The following EYS variants were observed in gnomAD, a reference collection of about 807,000 sequenced individuals.
EYS encodes EGF-like photoreceptor maintenance factor.
A neutral mutation model predicts 282.1 loss-of-function variants in EYS; 250 were observed. The observed-to-expected ratio is 0.89, with a 90% CI of 0.80 to 0.98. EYS has a LOEUF of 0.98. Among genes scored for constraint, EYS ranks in the 50% least tolerant of loss-of-function variants. The pLI is 0.00. For missense variants in EYS, 4,016 were observed against 3,709.0 expected, an observed-to-expected ratio of 1.08 and a Z score of -2.15; for synonymous variants, 1,355 against 1,282.9, an observed-to-expected ratio of 1.06 and a Z score of -1.20.
chr6:64,451,492 C>T (rs1311399447), intron 26 of EYS, among the ~76,000 whole-genome samples: 1 of 152,124 alleles, frequency 6.6e-6, no homozygotes, highest in African/African-American at 2.4e-5. Context: ...AGAGGGAATC[C>T]TCCCTAACTC....
chr6:65,115,929 A>G (rs1293700177), intron 12 of EYS, among the ~76,000 whole-genome samples: 1 of 150,240 alleles, frequency 6.7e-6, no homozygotes, highest in African/African-American at 2.5e-5. Flanking sequence ...ACTTCTCTCA[A>G]TGAAATAACT....
intron 26 of EYS, among the ~76,000 whole-genome samples, chr6:64,488,901 G>A (rs2150504565): frequency 6.6e-6 from 1 of 150,996 alleles, no homozygotes; most frequent in Admixed American, 6.6e-5. Flanking sequence ...TACTCGTAAA[G>A]TGATTTGTAT....
chr6:65,428,784 C>T (rs1188735478), intron 5 of EYS, among the ~76,000 whole-genome samples: 1 of 152,062 alleles, frequency 6.6e-6, no homozygotes, highest in Non-Finnish European at 1.5e-5. Context: ...GATCAAATTG[C>T]AGTAAAACTA....
At chr6:65,015,968 C>A (rs983559931) in intron 13 of EYS, among the ~76,000 whole-genome samples, 2 of 150,038 alleles carry the variant, frequency 1.3e-5, no homozygotes, top group African/African-American at 4.9e-5. Context: ...TTTCTTGAAC[C>A]CAGGAGGCAG....
At chr6:64,819,080 C>T (rs1013423684) in intron 21 of EYS, among the ~76,000 whole-genome samples, 3 of 152,094 alleles carry the variant, frequency 2.0e-5, no homozygotes, top group African/African-American at 7.2e-5. Flanking sequence ...ATTTTTCTTG[C>T]CTCTTTAGCC....
chr6:65,191,461 CTTT>C (rs926122271), intron 12 of EYS, among the ~76,000 whole-genome samples: 2 of 151,730 alleles, frequency 1.3e-5, no homozygotes, highest in African/African-American at 4.8e-5. Flanking sequence ...CTTTGATTGT[CTTT>C]TTTCCCAAAG....
chr6:64,908,053 G>A (rs1241092374), intron 16 of EYS, among the ~76,000 whole-genome samples: 1 of 152,140 alleles, frequency 6.6e-6, no homozygotes, highest in Non-Finnish European at 1.5e-5. Context: ...AAATGAGAAA[G>A]CAGTGCTATG....
chr6:64,204,723 A>G (rs965455156), intron 31 of EYS, among the ~76,000 whole-genome samples: 2 of 152,174 alleles, frequency 1.3e-5, no homozygotes, highest in Non-Finnish European at 2.9e-5. Flanking sequence ...AACAAGCACA[A>G]GAAAAGTTTC....
At chr6:64,387,019 G>T (rs988724633) in intron 29 of EYS, among the ~76,000 whole-genome samples, 6 of 151,974 alleles carry the variant, frequency 3.9e-5, no homozygotes, top group African/African-American at 1.2e-4. Context: ...ATACCATTTT[G>T]CATTTTACAT....
intron 29 of EYS, among the ~76,000 whole-genome samples, chr6:64,342,821 C>A (rs1269874093): frequency 2.0e-5 from 3 of 152,056 alleles, no homozygotes; most frequent in Non-Finnish European, 4.4e-5. Context: ...ATCTCACGTG[C>A]AGAGACACAC....
chr6:65,378,589 G>A (rs1447503046), intron 8 of EYS, among the ~76,000 whole-genome samples: 2 of 152,126 alleles, frequency 1.3e-5, no homozygotes. Context: ...GCACACAAAA[G>A]TTTATTGTGG....
intron 12 of EYS, among the ~76,000 whole-genome samples, chr6:65,134,094 T>A (rs1775956134): frequency 6.6e-6 from 1 of 152,028 alleles, no homozygotes; most frequent in Non-Finnish European, 1.5e-5. Flanking sequence ...ATGGCTATTA[T>A]GAAAAAGTCA....
intron 12 of EYS, among the ~76,000 whole-genome samples, chr6:65,115,973 CT>C (rs753034436): frequency 0.023 from 2,191 of 97,342 alleles, 30 homozygotes; most frequent in African/African-American, 0.048. Context: ...TCTAATCTAT[CT>C]ATCTATCTAT....
At chr6:63,913,630 G>T (rs559493372) in intron 35 of EYS, among the ~76,000 whole-genome samples, 12 of 152,266 alleles carry the variant, frequency 7.9e-5, no homozygotes, top group South Asian at 2.1e-4. Flanking sequence ...ATTTTTAAAG[G>T]TTCATTCATG....
chr6:65,235,704 A>T (rs1766904769), intron 12 of EYS, among the ~76,000 whole-genome samples: 1 of 152,182 alleles, frequency 6.6e-6, no homozygotes, highest in African/African-American at 2.4e-5. Context: ...TACATTCTAG[A>T]TTATTTAGCA....
intron 39 of EYS, among the ~76,000 whole-genome samples, chr6:63,778,743 G>A (rs557281515): frequency 1.3e-4 from 20 of 152,196 alleles, no homozygotes; most frequent in African/African-American, 4.8e-4. Context: ...AGATATAGAT[G>A]CTTTGAAGTA....
intron 12 of EYS, among the ~76,000 whole-genome samples, chr6:65,239,916 G>A (rs572093172): frequency 2.0e-5 from 3 of 151,560 alleles, no homozygotes; most frequent in African/African-American, 7.3e-5. Context: ...TTAAACACCT[G>A]TACAGAAAAC....
intron 5 of EYS, among the ~76,000 whole-genome samples, chr6:65,419,465 A>G (rs2150375976): frequency 6.6e-6 from 1 of 152,012 alleles, no homozygotes; most frequent in East Asian, 1.9e-4. Flanking sequence ...AAAATCAGAG[A>G]ATTAACCTCC....
At chr6:64,152,240 A>G (rs1362708957) in intron 31 of EYS, among the ~76,000 whole-genome samples, 1 of 152,212 alleles carries the variant, frequency 6.6e-6, no homozygotes, top group African/African-American at 2.4e-5. Flanking sequence ...GACAAGTTGT[A>G]AAAATAATGG....
Sources: gnomAD v4.1 joint callset for allele counts (sites outside exome capture counted in the v4.1 genomes callset) on GRCh38, gnomAD v4.1.1 for gene constraint, MANE v1.5 for transcripts, NCBI Gene and HGNC (gene_info 2026-07-23, HGNC 2026-07-21) for gene names.